The following SORCS3 variants were observed in gnomAD, a reference collection of about 807,000 sequenced individuals.
SORCS3 encodes the protein sortilin related VPS10 domain containing receptor 3.
Under a neutral mutation model 146.3 loss-of-function variants are expected in SORCS3, and 57 were observed. The ratio of observed to expected loss-of-function variants is 0.39; its 90% CI spans 0.31 to 0.49. The LOEUF (loss-of-function observed/expected upper bound fraction) is 0.49, where lower values mean the gene tolerates loss of function less well. Among genes scored for constraint, SORCS3 ranks in the 20% least tolerant of loss-of-function variants. The pLI is 0.92. For synonymous variants in SORCS3, 653 were observed against 618.5 expected (o/e 1.06, Z -0.83); for missense variants, 1,341 against 1,575.5 (o/e 0.85, Z 2.52).
intron 4 of SORCS3, among the ~76,000 whole-genome samples, chr10:105,037,227 T>G (rs1351906303): frequency 6.6e-6 from 1 of 152,132 alleles, no homozygotes; most frequent in East Asian, 1.9e-4. Flanking sequence ...GCCTCACAAC[T>G]AAATGCCTAG....
At chr10:104,668,647 C>A (rs879350939) in intron 1 of SORCS3, among the ~76,000 whole-genome samples, 1 of 152,186 alleles carries the variant, frequency 6.6e-6, no homozygotes, top group Non-Finnish European at 1.5e-5. Context: ...GTCAAATGTA[C>A]CATTTGCATA....
intron 23 of SORCS3, among the ~76,000 whole-genome samples, chr10:105,254,317 T>C (rs778950600): frequency 5.3e-5 from 8 of 152,266 alleles, no homozygotes; most frequent in Non-Finnish European, 7.4e-5. Flanking sequence ...ACTTCTTTCA[T>C]TGGAACCCAT....
intron 1 of SORCS3, among the ~76,000 whole-genome samples, chr10:104,755,063 A>T (rs1351821671): frequency 6.6e-6 from 1 of 152,160 alleles, no homozygotes; most frequent in African/African-American, 2.4e-5. Context: ...TTACCGGTGA[A>T]TTCCTTCTGG....
At chr10:104,977,787 A>G (rs773823414) in intron 4 of SORCS3, among the ~76,000 whole-genome samples, 6 of 135,740 alleles carry the variant, frequency 4.4e-5, no homozygotes, top group Non-Finnish European at 9.1e-5. Context: ...GCTGGAGTGC[A>G]GTGGCGCGAT....
At chr10:104,949,566 A>G (rs7073896) in intron 3 of SORCS3, among the ~76,000 whole-genome samples, 20,459 of 152,224 alleles carry the variant, frequency 0.13, 2,325 homozygotes, top group African/African-American at 0.32. Context: ...AGCATTTCAT[A>G]AATACATTCT....
chr10:104,642,022 G>GGGGGGGGGGGGGCGCCC, intron 1 of SORCS3, 68 bp downstream of exon 1: 1 of 173,336 alleles, frequency 5.8e-6, no homozygotes, highest in Non-Finnish European at 1.1e-5. Flanking sequence ...GGGTGGGTGG[G>GGGGGGGGGGGGGCGCCC]AGCGAGGGAC....
chr10:104,641,830 T>C lies in SORCS3; in HGVS notation c.503T>C (p.Val168Ala), dbSNP rs1157058779. The change falls in exon 1 of 27, where the codon GTG (valine) becomes GCG (alanine). Residue 168 changes from valine (V) to alanine (A), a missense_variant. Physicochemically the swap from Val to Ala is moderately conservative, Grantham distance 64. Coordinates refer to ENST00000369701, the MANE Select transcript of SORCS3 (RefSeq NM_014978.3). This position sits in a 1 kb window ranked among gnomAD's most constrained non-coding sequence, Gnocchi z 6.4. Reference protein sequence around the residue: ...RPLAKGSREEVKAPRAGGSAA... With the variant: ...RPLAKGSREEAKAPRAGGSAA... ...CTTGCTAAGGGTTCCCGGGAGGAGG[T>C]GAAGGCGCCGCGGGCTGGGGGGTCG... 3.9e-6 allele frequency: 6 copies of C among 1,558,196 alleles called. No individual in the cohort carries two copies. The highest frequency in any genetic ancestry group is 5.2e-6 in the Non-Finnish European group (6 of 1,153,766).
chr10:104,660,040 C>A (rs1360129843), intron 1 of SORCS3, among the ~76,000 whole-genome samples: 1 of 152,146 alleles, frequency 6.6e-6, no homozygotes, highest in Non-Finnish European at 1.5e-5. Context: ...AGCAATAGCC[C>A]TTCCTTTCTC....
chr10:104,748,050 T>A (rs1393819884), intron 1 of SORCS3, among the ~76,000 whole-genome samples: 1 of 152,218 alleles, frequency 6.6e-6, no homozygotes, highest in Non-Finnish European at 1.5e-5. Flanking sequence ...AGCTAGCATG[T>A]AGTAAGCACA....
At chr10:105,254,805 A>G (rs4918152) in intron 23 of SORCS3, among the ~76,000 whole-genome samples, 149,191 of 152,152 alleles carry the variant, frequency 0.98, 73,221 homozygotes, top group Non-Finnish European at 1. Flanking sequence ...CTAAAAAAAA[A>G]AAGAAGTAGT....
rs1394564461 is a variant in SORCS3 at position 105,133,687 on chromosome 10, A to G, written c.1213-5710A>G. ...CTAGATGCAGTGGCTCATATCTACA[A>G]TTCCAGCACTTTGGGAGGCTGAGGC... On this transcript the variant is annotated intron_variant, in intron 7 of 26. Transcript: ENST00000369701. 3.9e-5 allele frequency among the ~76,000 whole-genome samples: 6 copies of G among 152,320 alleles called. No homozygotes were observed. In the South Asian group the frequency reaches 1.0e-3, roughly 26 times the overall value.
intron 9 of SORCS3, among the ~76,000 whole-genome samples, chr10:105,150,482 C>T (rs1366894806): frequency 6.6e-6 from 1 of 152,132 alleles, no homozygotes; most frequent in Non-Finnish European, 1.5e-5. Flanking sequence ...AACGTTACCA[C>T]TCTGACTGTC....
rs959515919 is a variant in SORCS3 at position 105,262,138 on chromosome 10, G to A, written c.3444-193G>A. ...GTTCTATGGTTTACATCTTCCCTGG[G>A]CATCTGGGTTCCTAGCTGGCTTTGT... On this transcript the variant is annotated intron_variant, in intron 25 of 26. Transcript: ENST00000369701. Among the ~76,000 whole-genome samples the A allele has an allele frequency of 1.2e-3, 185 of 152,200 alleles. 1 individual carries two copies. Among genetic ancestry groups the A allele is most frequent in the African/African-American group, 4.2e-3 (174 of 41,540 alleles).
chr10:105,257,647 C>T (rs922571846), intron 25 of SORCS3, among the ~76,000 whole-genome samples: 5 of 152,226 alleles, frequency 3.3e-5, no homozygotes, highest in Admixed American at 1.3e-4. Context: ...TAACTTTTAG[C>T]GTTTGTAACC....
intron 2 of SORCS3, among the ~76,000 whole-genome samples, chr10:104,856,432 T>C (rs768632737): frequency 1.1e-4 from 15 of 134,632 alleles, no homozygotes; most frequent in Non-Finnish European, 1.6e-4. Flanking sequence ...TATGATATTA[T>C]GTTATGATTA....
At chr10:104,859,170 A>C (rs988965028) in intron 2 of SORCS3, among the ~76,000 whole-genome samples, 2 of 152,092 alleles carry the variant, frequency 1.3e-5, no homozygotes, top group African/African-American at 4.8e-5. Flanking sequence ...TCTGGAAATC[A>C]TGCATCTCCA....
intron 1 of SORCS3, among the ~76,000 whole-genome samples, chr10:104,836,637 T>C (rs1171913795): frequency 6.6e-6 from 1 of 152,138 alleles, no homozygotes; most frequent in East Asian, 1.9e-4. Flanking sequence ...CTCTTCACTC[T>C]TGTAGAGCTT....
At chr10:105,087,348 A>C (rs2055669538) in intron 5 of SORCS3, among the ~76,000 whole-genome samples, 1 of 152,210 alleles carries the variant, frequency 6.6e-6, no homozygotes, top group Admixed American at 6.5e-5. Flanking sequence ...TATGGTTTGA[A>C]GTCAGGTATA....
chr10:105,147,191 A>T (rs577297839), intron 8 of SORCS3, among the ~76,000 whole-genome samples: 17 of 152,212 alleles, frequency 1.1e-4, no homozygotes, highest in Admixed American at 5.2e-4. Context: ...GACTCTGAAG[A>T]TTTTAAAGAA....
Sources: gnomAD v4.1 joint callset for allele counts (sites outside exome capture counted in the v4.1 genomes callset) on GRCh38, gnomAD v4.1.1 for gene constraint, Gnocchi (gnomAD v3.1) non-coding constraint, MANE v1.5 for transcripts, NCBI Gene and HGNC (gene_info 2026-07-23, HGNC 2026-07-21) for gene names.